Variants in MAP2K1 observed in about 807,000 individuals in gnomAD.
MAP2K1 encodes dual specificity mitogen-activated protein kinase kinase 1.
A neutral mutation model predicts 46.3 loss-of-function variants in MAP2K1; 16 were observed. The ratio of observed to expected loss-of-function variants is 0.35; its 90% CI spans 0.23 to 0.52. The LOEUF is 0.52. MAP2K1 is among the 20% of genes least tolerant of loss of function. The pLI is 0.94. For missense variants in MAP2K1, 263 were observed against 497.1 expected (o/e 0.53, Z 4.48); for synonymous variants, 183 against 185.6 (o/e 0.99, Z 0.11).
chr15:66,449,225 A>G (rs1891969109), intron 5 of MAP2K1, among the ~76,000 whole-genome samples: 1 of 152,196 alleles, frequency 6.6e-6, no homozygotes, highest in South Asian at 2.1e-4. Context: ...ATTAGAAGCA[A>G]CAAAAATATT....
In MAP2K1 at chr15:66,422,651, C is replaced by G. The variant is rs77939976; in HGVS notation, c.81-12376C>G. On this transcript the variant is annotated intron_variant, in intron 1 of 10. Coordinates refer to ENST00000307102, the MANE Select transcript of MAP2K1 (RefSeq NM_002755.4). ...CATAGATAAATGACTTTAAGGTTGA[C>G]TTTTTATCTCTGGTTTTTAGCAGTT... Among the ~76,000 whole-genome samples, 4 of 152,208 alleles carry G rather than the reference C, an allele frequency of 2.6e-5. No individual in the cohort carries two copies. The East Asian group carries it at 7.7e-4, about 29-fold the overall frequency.
chr15:66,433,549 T>C (rs1034679498), intron 1 of MAP2K1, among the ~76,000 whole-genome samples: 2 of 152,154 alleles, frequency 1.3e-5, no homozygotes, highest in African/African-American at 2.4e-5. Flanking sequence ...TTTGGTCCCA[T>C]GCATGATGTT....
chr15:66,465,243 C>T (rs548044813), intron 5 of MAP2K1, among the ~76,000 whole-genome samples: 5 of 152,104 alleles, frequency 3.3e-5, no homozygotes, highest in Non-Finnish European at 5.9e-5. Flanking sequence ...GAAGGAATGG[C>T]TTTATTCGGC....
intron 1 of MAP2K1, among the ~76,000 whole-genome samples, chr15:66,406,778 C>T (rs573725112): frequency 2.1e-4 from 32 of 152,256 alleles, no homozygotes; most frequent in African/African-American, 7.7e-4. Context: ...CACCTGTAAT[C>T]CCAGCACTTT....
intron 5 of MAP2K1, among the ~76,000 whole-genome samples, chr15:66,475,939 A>AG (rs1892745839): frequency 6.6e-6 from 1 of 152,226 alleles, no homozygotes; most frequent in Non-Finnish European, 1.5e-5. Context: ...CTTATTTTAG[A>AG]GGGGTAGAAA....
intron 5 of MAP2K1, among the ~76,000 whole-genome samples, chr15:66,464,541 T>C (rs1203904910): frequency 2.0e-5 from 3 of 152,192 alleles, no homozygotes; most frequent in African/African-American, 7.2e-5. Context: ...GTTTTTGTTT[T>C]GAGACGGAGT....
chr15:66,485,132 T>C lies in MAP2K1; in HGVS notation c.836T>C (p.Val279Ala), dbSNP rs916531861. The C allele has an allele frequency of 1.2e-6, 2 of 1,613,752 alleles. No individual in the cohort carries two copies. Among genetic ancestry groups the C allele is most frequent in the African/African-American group, 1.3e-5 (1 of 74,838 alleles). Reference protein sequence around the residue: ...KELELMFGCQVEGDAAETPPR... With the variant: ...KELELMFGCQAEGDAAETPPR... ...CTGGAGCTGATGTTTGGGTGCCAGG[T>C]GGAAGGAGATGCGGCTGAGACCCCA... is the stretch of plus-strand genomic sequence containing the variant. Residue 279 changes from valine to alanine, a missense_variant, in exon 7 of 11, where the codon GTG (valine) becomes GCG (alanine). Physicochemically the swap from Val to Ala is moderately conservative, Grantham distance 64. This residue lies in a region of MAP2K1 where 118 missense variants were observed against 193.0 expected (regional missense o/e 0.61). Coordinates refer to ENST00000307102, the MANE Select transcript of MAP2K1 (RefSeq NM_002755.4).
intron 1 of MAP2K1, among the ~76,000 whole-genome samples, chr15:66,396,020 G>GT (rs1420139293): frequency 6.6e-6 from 1 of 151,764 alleles, no homozygotes; most frequent in Admixed American, 6.6e-5. Context: ...GTTTTGTTTT[G>GT]TTTTTGGAGA....
chr15:66,467,526 T>C (rs1338706824), intron 5 of MAP2K1, among the ~76,000 whole-genome samples: 1 of 152,228 alleles, frequency 6.6e-6, no homozygotes, highest in African/African-American at 2.4e-5. Context: ...CTATTTTCAC[T>C]AAACCAATGT....
intron 3 of MAP2K1, among the ~76,000 whole-genome samples, chr15:66,440,886 A>G (rs1490127373): frequency 6.6e-6 from 1 of 152,206 alleles, no homozygotes; most frequent in Non-Finnish European, 1.5e-5. Flanking sequence ...TTGTAATTCC[A>G]TCGTTCACAC....
intron 5 of MAP2K1, chr15:66,446,852 T>C (rs145067908): frequency 3.4e-4 from 70 of 208,228 alleles, no homozygotes; most frequent in African/African-American, 1.4e-3. Flanking sequence ...GCAAATGTTA[T>C]ATCTTGACAA....
chr15:66,452,612 A>T (rs1279637713), intron 5 of MAP2K1, among the ~76,000 whole-genome samples: 1 of 152,170 alleles, frequency 6.6e-6, no homozygotes, highest in Non-Finnish European at 1.5e-5. Flanking sequence ...CTATGCAAGG[A>T]CGAATGAGGT....
chr15:66,448,423 T>TG (rs1016378041), intron 5 of MAP2K1, among the ~76,000 whole-genome samples: 1 of 152,112 alleles, frequency 6.6e-6, no homozygotes, highest in Non-Finnish European at 1.5e-5. Flanking sequence ...AACACTGCAT[T>TG]GGGGGTAGAG....
intron 1 of MAP2K1, among the ~76,000 whole-genome samples, chr15:66,420,983 A>G (rs2140555755): frequency 9.2e-6 from 1 of 108,460 alleles, no homozygotes; most frequent in Non-Finnish European, 2.1e-5. Flanking sequence ...ATACATACAC[A>G]CACATACATA....
intron 1 of MAP2K1, chr15:66,415,140 C>T: frequency 1.9e-6 from 1 of 525,240 alleles, no homozygotes; most frequent in Non-Finnish European, 3.8e-6. Context: ...TCCAGCTTGG[C>T]AGCTCCCCTA....
chr15:66,424,308 T>C (rs562060690), intron 1 of MAP2K1, among the ~76,000 whole-genome samples: 2 of 152,326 alleles, frequency 1.3e-5, no homozygotes, highest in East Asian at 1.9e-4. Flanking sequence ...TCTGCCTGCC[T>C]CGGCCTCCCA....
chr15:66,453,467 G>C (rs1595870444), intron 5 of MAP2K1: 1 of 702,216 alleles, frequency 1.4e-6, no homozygotes, highest in African/African-American at 1.7e-5. Flanking sequence ...TTCTCCAGAA[G>C]CCCTGGAAGA....
chr15:66,420,644 C>T (rs2093435686), intron 1 of MAP2K1, among the ~76,000 whole-genome samples: 1 of 142,806 alleles, frequency 7.0e-6, no homozygotes, highest in Admixed American at 7.1e-5. Context: ...AATAAATTTA[C>T]CTGTCCTTTC....
intron 1 of MAP2K1, among the ~76,000 whole-genome samples, chr15:66,429,204 G>T (rs759475017): frequency 2.0e-5 from 3 of 152,144 alleles, no homozygotes; most frequent in Admixed American, 1.3e-4. Flanking sequence ...GTTCTTTATG[G>T]CTGGGGAGGC....
Sources: gnomAD v4.1 joint callset for allele counts (sites outside exome capture counted in the v4.1 genomes callset) on GRCh38, gnomAD v4.1.1 for gene constraint, gnomAD v4.1.1 regional missense constraint, MANE v1.5 for transcripts, NCBI Gene and HGNC (gene_info 2026-07-23, HGNC 2026-07-21) for gene names.